GRB10: variants seen among roughly 807,000 people sequenced by gnomAD.
GRB10 encodes growth factor receptor bound protein 10, also known as growth factor receptor-bound protein 10.
In GRB10, 20 loss-of-function variants were observed where a neutral mutation model predicts 80.9. That is an observed-to-expected ratio of 0.25 (90% CI 0.17 to 0.36). GRB10 has a LOEUF of 0.36. GRB10 is among the 10% of genes least tolerant of loss of function. GRB10 has a pLI of 1.00. For synonymous variants in GRB10, 291 were observed against 291.5 expected, an observed-to-expected ratio of 1.00 and a Z score of 0.02; for missense variants, 548 against 747.7, an observed-to-expected ratio of 0.73 and a Z score of 3.12.
At position 50,749,130 on chromosome 7, in the gene GRB10, G is replaced by GTT. The variant is rs71018483; in HGVS notation, c.-47+6755_-47+6756dup. ...TTTTTTTGTTTTGTTTTGTTTTTTT[G>GTT]TTTGTTTTTTTTTTTTGAGATGGAG... On this transcript the variant is annotated intron_variant, in intron 3 of 18. Transcript: ENST00000401949. Among the ~76,000 whole-genome samples, 115 of 139,548 alleles carry GTT rather than the reference G, an allele frequency of 8.2e-4. 4 individuals carry two copies. In the South Asian group the frequency reaches 8.9e-3, roughly 11 times the overall value. The allele number at this position is 139,548 out of a possible 152,430, so 91.5% of individuals were successfully genotyped here.
chr7:50,706,060 T>G (rs1563525630), intron 4 of GRB10, among the ~76,000 whole-genome samples: 1 of 152,222 alleles, frequency 6.6e-6, no homozygotes, highest in Non-Finnish European at 1.5e-5. Context: ...TTTTCTGAAT[T>G]TTACAACAAT....
At chr7:50,601,263 C>A (rs1029517724) in intron 17 of GRB10, among the ~76,000 whole-genome samples, 2 of 152,186 alleles carry the variant, frequency 1.3e-5, no homozygotes, top group African/African-American at 4.8e-5. Context: ...GGTTGGGAGG[C>A]AGAGTTGAGA....
intron 7 of GRB10, among the ~76,000 whole-genome samples, chr7:50,629,132 G>C (rs1163454513): frequency 6.6e-6 from 1 of 152,116 alleles, no homozygotes; most frequent in African/African-American, 2.4e-5. Context: ...CTCTCAATGA[G>C]CTTATCTGCA....
intron 5 of GRB10, among the ~76,000 whole-genome samples, chr7:50,682,499 T>A (rs927740115): frequency 6.6e-6 from 1 of 152,234 alleles, no homozygotes; most frequent in East Asian, 1.9e-4. Context: ...AAATCAATGA[T>A]CATGTCGGCT....
intron 14 of GRB10, 61 bp downstream of exon 14, chr7:50,606,276 A>C (rs779609043): frequency 3.1e-6 from 4 of 1,307,262 alleles, no homozygotes; most frequent in Non-Finnish European, 4.4e-6. Flanking sequence ...AGGCGTCCTT[A>C]ACACATGTGA....
rs574615336 is a variant in GRB10 at position 50,590,679 on chromosome 7, G to A, written c.*2273C>T. ...AAAGTCAAATGTCCTTCCGTCCCCG[G>A]TTTGCGGGACTTGTTCTCAGGTGGA... On this transcript the variant is annotated 3_prime_UTR_variant, in exon 19 of 19. Coordinates refer to ENST00000401949, the MANE Select transcript of GRB10 (RefSeq NM_001350814.2). 2 of 152,764 alleles carry A rather than the reference G, an allele frequency of 1.3e-5. No homozygotes were observed. Among genetic ancestry groups the A allele is most frequent in the African/African-American group, 4.8e-5 (2 of 41,582 alleles). 9.5% of individuals were successfully genotyped at this position (152,764 alleles called of 1,614,324 possible). A position where few individuals can be genotyped will look rare whatever the true frequency, so the allele number is the denominator to read the frequency against.
chr7:50,731,085 A>T (rs2153691787), intron 4 of GRB10, among the ~76,000 whole-genome samples: 3 of 152,256 alleles, frequency 2.0e-5, no homozygotes, highest in Middle Eastern at 6.8e-3. Flanking sequence ...CAGCCTCTTT[A>T]AGAACAAGAA....
At chr7:50,755,731 G>T (rs2074976602) in intron 3 of GRB10, among the ~76,000 whole-genome samples, 156 bp downstream of exon 3, 1 of 152,200 alleles carries the variant, frequency 6.6e-6, no homozygotes, top group East Asian at 1.9e-4. Context: ...AGAGGACAGA[G>T]ACGGGAGACT....
At chr7:50,746,332 G>A (rs1345780859) in intron 3 of GRB10, among the ~76,000 whole-genome samples, 2 of 152,226 alleles carry the variant, frequency 1.3e-5, no homozygotes, top group East Asian at 1.9e-4. Context: ...CAGTCAAACC[G>A]TCATTAAATC....
At chr7:50,616,909 A>C (rs2050754704) in intron 10 of GRB10, among the ~76,000 whole-genome samples, 1 of 152,266 alleles carries the variant, frequency 6.6e-6, no homozygotes, top group Non-Finnish European at 1.5e-5. Context: ...AAGACAGGCC[A>C]AGGGCCAGGT....
intron 3 of GRB10, among the ~76,000 whole-genome samples, chr7:50,750,522 C>G (rs1021378712): frequency 6.6e-6 from 1 of 152,224 alleles, no homozygotes; most frequent in African/African-American, 2.4e-5. Context: ...ATGATCACAG[C>G]ACACGTTGAG....
chr7:50,673,329 G>A lies in GRB10; in HGVS notation c.362+1107C>T, dbSNP rs145535907. On this transcript the variant is annotated intron_variant, in intron 6 of 18. Transcript: ENST00000401949. ...ACGCCATCCCGACTGCGACAGGGCA[G>A]ACAGGCGGATCCTTGAGGGCTGCCC... Among the ~76,000 whole-genome samples, 12 of 152,302 alleles carry A rather than the reference G, an allele frequency of 7.9e-5. No individual in the cohort carries two copies. In the East Asian group the frequency reaches 2.3e-3, roughly 29 times the overall value.
At chr7:50,741,064 AT>A (rs1222658051) in intron 3 of GRB10, among the ~76,000 whole-genome samples, 2 of 152,220 alleles carry the variant, frequency 1.3e-5, no homozygotes, top group Non-Finnish European at 2.9e-5. Context: ...ACAGCAAAGT[AT>A]CAAAATACAA....
chr7:50,626,356 C>A (rs1324547546), intron 8 of GRB10, among the ~76,000 whole-genome samples: 1 of 152,226 alleles, frequency 6.6e-6, no homozygotes, highest in Non-Finnish European at 1.5e-5. Context: ...CAATTCCCAG[C>A]GGACCTCTCT....
intron 3 of GRB10, among the ~76,000 whole-genome samples, chr7:50,750,414 G>A (rs888564118): frequency 3.9e-5 from 6 of 152,164 alleles, no homozygotes; most frequent in Non-Finnish European, 8.8e-5. Flanking sequence ...TTCCTGCACC[G>A]TTTCTTGTCT....
intron 7 of GRB10, among the ~76,000 whole-genome samples, chr7:50,665,528 C>G (rs1240840577): frequency 6.6e-6 from 1 of 152,214 alleles, no homozygotes; most frequent in Non-Finnish European, 1.5e-5. Context: ...CACCAAGGGT[C>G]TGACCGGCCC....
chr7:50,719,184 G>A (rs963349227), intron 4 of GRB10, among the ~76,000 whole-genome samples: 1 of 152,166 alleles, frequency 6.6e-6, no homozygotes, highest in Non-Finnish European at 1.5e-5. Flanking sequence ...TAAACGGGGC[G>A]GAGACTGCAA....
intron 5 of GRB10, among the ~76,000 whole-genome samples, chr7:50,697,023 AC>A (rs2063512270): frequency 6.6e-6 from 1 of 152,238 alleles, no homozygotes; most frequent in African/African-American, 2.4e-5. Context: ...ACATGGGTGA[AC>A]CCTGAAGACA....
At chr7:50,664,479 CA>C (rs1395194613) in intron 7 of GRB10, among the ~76,000 whole-genome samples, 1 of 152,212 alleles carries the variant, frequency 6.6e-6, no homozygotes, top group Admixed American at 6.5e-5. Flanking sequence ...TCTGTGGGGG[CA>C]GGGGGGACAG....
Sources: allele counts gnomAD v4.1 joint callset (sites outside exome capture counted in the v4.1 genomes callset), GRCh38; gene constraint gnomAD v4.1.1; transcripts MANE v1.5; gene names NCBI Gene and HGNC (gene_info 2026-07-23, HGNC 2026-07-21).